Variants in PPM1D observed in about 807,000 individuals in gnomAD.
PPM1D encodes the protein protein phosphatase 1D.
Under a neutral mutation model 58.3 loss-of-function variants are expected in PPM1D, and 52 were observed. The observed-to-expected ratio is 0.89, with a 90% CI of 0.71 to 1.12. The LOEUF (loss-of-function observed/expected upper bound fraction) is 1.12. Among genes scored for constraint, PPM1D ranks in the 50% most tolerant of loss-of-function variants. The pLI is 0.00. For missense variants in PPM1D, 564 were observed against 777.2 expected, an observed-to-expected ratio of 0.73 and a Z score of 3.26; for synonymous variants, 278 against 285.1, an observed-to-expected ratio of 0.98 and a Z score of 0.25.
Position 60,656,669 on chromosome 17 carries a change from TC to T in PPM1D, c.1090del (p.Arg364GlufsTer8), listed in dbSNP as rs1384023614. The T allele has an allele frequency of 6.2e-7, 1 of 1,614,182 alleles. No individual in the cohort carries two copies. The highest frequency in any genetic ancestry group is 8.5e-7 in the Non-Finnish European group (1 of 1,180,040). On this transcript the variant is annotated frameshift_variant, in exon 5 of 6. Transcript: ENST00000305921. LOFTEE classifies it high-confidence loss of function. ...RALGRWRQRM[L>X]RADNTSAIVI... Reference sequence around the variant, plus strand: ...TTGGGCCGCTGGAGGCAGCGTATGCTCCGAGCAGATAACACTAGTGCCATAG... The same window carrying T: ...TTGGGCCGCTGGAGGCAGCGTATGCTCGAGCAGATAACACTAGTGCCATAG...
intron 3 of PPM1D, among the ~76,000 whole-genome samples, chr17:60,640,160 A>G (rs1269515352): frequency 7.9e-5 from 12 of 152,162 alleles, no homozygotes; most frequent in Non-Finnish European, 1.6e-4. Flanking sequence ...CTCTACAAAG[A>G]ATTGGCTGGG....
intron 1 of PPM1D, among the ~76,000 whole-genome samples, chr17:60,615,324 C>T (rs537968364): frequency 2.6e-5 from 4 of 152,094 alleles, no homozygotes; most frequent in Admixed American, 6.6e-5. Flanking sequence ...GTGGGAGGAT[C>T]GCTTGAGCCG....
At chr17:60,602,654 T>A (rs2030240233) in intron 1 of PPM1D, among the ~76,000 whole-genome samples, 1 of 152,116 alleles carries the variant, frequency 6.6e-6, no homozygotes, top group African/African-American at 2.4e-5. Flanking sequence ...TAGTTTTACA[T>A]ACACAGACTT....
chr17:60,657,040 A>G, intron 5 of PPM1D, 199 bp downstream of exon 5: 2 of 1,481,696 alleles, frequency 1.3e-6, no homozygotes, highest in East Asian at 2.5e-5. Flanking sequence ...CACTAATAAA[A>G]AGGTGATTGT....
At position 60,657,182 on chromosome 17, in the gene PPM1D, T is replaced by A; in HGVS notation, c.1260+341T>A. ...CCCAGAAGTAGAGCTAATGTTATTA[T>A]TTCATTTTATCAGTAATAAGCCTGA... On this transcript the variant is annotated intron_variant, in intron 5 of 5. Coordinates refer to ENST00000305921, the MANE Select transcript of PPM1D (RefSeq NM_003620.4). The A allele has an allele frequency of 5.2e-6, 5 of 965,340 alleles. 1 individual carries two copies. In the South Asian group the frequency reaches 1.1e-4, roughly 20 times the overall value. The allele number at this position is 965,340 out of a possible 1,614,324, so 59.8% of individuals were successfully genotyped here. A position where few individuals can be genotyped will look rare whatever the true frequency, so the allele number is the denominator to read the frequency against.
rs112618975 is a variant in PPM1D, at chr17:60,648,385, C to G, written c.1017+303C>G. ...ATAATTTCCATACCATAAAATTTAT[C>G]GTTTTTTTTTTTTTTTTGAGACGGA... On this transcript the variant is annotated intron_variant, in intron 4 of 5. Coordinates refer to ENST00000305921, the MANE Select transcript of PPM1D (RefSeq NM_003620.4). 2.1e-5 allele frequency among the ~76,000 whole-genome samples: 3 copies of G among 145,042 alleles called. No homozygotes were observed. In the East Asian group the frequency reaches 5.9e-4, roughly 28 times the overall value.
intron 5 of PPM1D, among the ~76,000 whole-genome samples, chr17:60,658,690 G>A (rs998527973): frequency 3.4e-5 from 5 of 146,798 alleles, no homozygotes; most frequent in African/African-American, 1.3e-4. Context: ...TGGGCTGGGC[G>A]TGGTGGCTCA....
At chr17:60,642,352 A>AT (rs760188816) in intron 3 of PPM1D, among the ~76,000 whole-genome samples, 4,814 of 124,820 alleles carry the variant, frequency 0.039, 199 homozygotes, top group Admixed American at 0.092. Flanking sequence ...AGAAGAATGG[A>AT]TTTTTTTTTT....
chr17:60,618,273 A>G (rs995837444), intron 1 of PPM1D, among the ~76,000 whole-genome samples: 1 of 151,998 alleles, frequency 6.6e-6, no homozygotes, highest in Non-Finnish European at 1.5e-5. Flanking sequence ...ACCATGGTTG[A>G]CTCATGTATT....
At chr17:60,634,870 T>C (rs1468628133) in intron 3 of PPM1D, among the ~76,000 whole-genome samples, 1 of 152,144 alleles carries the variant, frequency 6.6e-6, no homozygotes, top group African/African-American at 2.4e-5. Flanking sequence ...AACCTCTACC[T>C]CCCAGGCTCA....
chr17:60,653,273 A>G (rs867142853), intron 4 of PPM1D, among the ~76,000 whole-genome samples: 2 of 152,198 alleles, frequency 1.3e-5, no homozygotes, highest in Admixed American at 6.5e-5. Flanking sequence ...ATTCTTCAGC[A>G]TATAGTTATC....
chr17:60,637,114 G>A (rs1265946794), intron 3 of PPM1D, among the ~76,000 whole-genome samples: 4 of 151,924 alleles, frequency 2.6e-5, no homozygotes, highest in East Asian at 1.9e-4. Flanking sequence ...GATTATAGGC[G>A]TGCGCCCCCA....
intron 2 of PPM1D, among the ~76,000 whole-genome samples, chr17:60,629,759 C>T (rs1232379697): frequency 6.6e-6 from 1 of 152,032 alleles, no homozygotes; most frequent in African/African-American, 2.4e-5. Flanking sequence ...TTCTTGGGGC[C>T]GGGCACAGTG....
At chr17:60,629,910 T>C (rs1315164887) in intron 2 of PPM1D, among the ~76,000 whole-genome samples, 1 of 152,036 alleles carries the variant, frequency 6.6e-6, no homozygotes, top group Non-Finnish European at 1.5e-5. Context: ...CGTAGTGGCA[T>C]GTTCCCGTAA....
intron 1 of PPM1D, among the ~76,000 whole-genome samples, chr17:60,619,519 C>G (rs560535179): frequency 6.6e-6 from 1 of 152,172 alleles, no homozygotes; most frequent in Non-Finnish European, 1.5e-5. Flanking sequence ...CAAATGTTCT[C>G]CCTTCTTCAC....
intron 1 of PPM1D, among the ~76,000 whole-genome samples, chr17:60,607,917 C>A (rs190813665): frequency 7.9e-5 from 12 of 152,308 alleles, no homozygotes; most frequent in Admixed American, 7.2e-4. Flanking sequence ...AGAAGTTAAT[C>A]TTAACATAAA....
intron 4 of PPM1D, among the ~76,000 whole-genome samples, chr17:60,655,807 T>C (rs7210987): frequency 0.8 from 121,152 of 151,508 alleles, 54,870 homozygotes; most frequent in Non-Finnish European, 0.99. Context: ...GTTCAAGCGA[T>C]TCTCCTGCCT....
At chr17:60,629,819 C>T (rs187423387) in intron 2 of PPM1D, among the ~76,000 whole-genome samples, 1,800 of 152,214 alleles carry the variant, frequency 0.012, 13 homozygotes, top group Middle Eastern at 0.027. Flanking sequence ...GGGCGGATCA[C>T]CGGAGGTCAG....
chr17:60,657,417 A>G (rs1237549971), intron 5 of PPM1D, among the ~76,000 whole-genome samples: 1 of 152,228 alleles, frequency 6.6e-6, no homozygotes, highest in Non-Finnish European at 1.5e-5. Context: ...AAGAACTCAA[A>G]TACTTGGTTG....
Sources: gnomAD v4.1 joint callset for allele counts (sites outside exome capture counted in the v4.1 genomes callset) on GRCh38, gnomAD v4.1.1 for gene constraint, MANE v1.5 for transcripts, NCBI Gene and HGNC (gene_info 2026-07-23, HGNC 2026-07-21) for gene names.